Variants in XKR6 observed in about 807,000 individuals in gnomAD.
XKR6 encodes XK related 6.
XKR6 carries 22 observed loss-of-function variants against 56.7 expected under a neutral mutation model. That is an observed-to-expected ratio of 0.39 (90% CI 0.28 to 0.55). The LOEUF (loss-of-function observed/expected upper bound fraction) is 0.55. XKR6 is among the 20% of genes least tolerant of loss of function. XKR6 has a pLI of 0.66. For missense variants in XKR6, 852 were observed against 889.0 expected (o/e 0.96, Z 0.53); for synonymous variants, 524 against 387.8 (o/e 1.35, Z -4.13).
Position 11,015,598 on chromosome 8 carries a change from G to C in XKR6, c.765-90768C>G, listed in dbSNP as rs537247164. Among the ~76,000 whole-genome samples the C allele has an allele frequency of 2.6e-5, 4 of 152,306 alleles. 1 individual carries two copies. In the East Asian group the frequency reaches 5.8e-4, roughly 22 times the overall value. On this transcript the variant is annotated intron_variant, in intron 1 of 2. Transcript: ENST00000416569. ...GGGGATGAGTGTCTGAAGCCAGGGG[G>C]CTCTGGGCTTCTCCGGCCTCAGGCA...
At chr8:11,115,509 C>T (rs1586564851) in intron 1 of XKR6, among the ~76,000 whole-genome samples, 2 of 152,078 alleles carry the variant, frequency 1.3e-5, no homozygotes, top group South Asian at 2.1e-4. Flanking sequence ...TCATCTATGC[C>T]CATTAAATAT....
At chr8:10,971,151 G>T (rs930219821) in intron 1 of XKR6, among the ~76,000 whole-genome samples, 1 of 151,818 alleles carries the variant, frequency 6.6e-6, no homozygotes, top group South Asian at 2.1e-4. Flanking sequence ...GCCGGGCACG[G>T]TGGCTCACGC....
intron 1 of XKR6, among the ~76,000 whole-genome samples, chr8:11,006,448 G>C (rs955680831): frequency 6.6e-6 from 1 of 152,194 alleles, no homozygotes; most frequent in African/African-American, 2.4e-5. Flanking sequence ...AGTCATTGGA[G>C]ACATCAATGA....
chr8:11,166,535 A>T (rs977261246), intron 1 of XKR6, among the ~76,000 whole-genome samples: 1 of 152,236 alleles, frequency 6.6e-6, no homozygotes, highest in Non-Finnish European at 1.5e-5. Context: ...TCTAATATTT[A>T]GTGCATTTAA....
Position 11,036,765 on chromosome 8 carries a change from A to T in XKR6, c.765-111935T>A, listed in dbSNP as rs988982717. On this transcript the variant is annotated intron_variant, in intron 1 of 2. Coordinates refer to ENST00000416569, the MANE Select transcript of XKR6 (RefSeq NM_173683.4). ...AATTTGAAAACAGCCCTTGAACCCT[A>T]AGTTATATACCAAATTTTAACAACT... is the stretch of plus-strand genomic sequence containing the variant. 3.9e-5 allele frequency among the ~76,000 whole-genome samples: 6 copies of T among 152,364 alleles called. No homozygotes were observed. In the East Asian group the frequency reaches 1.2e-3, roughly 29 times the overall value.
At chr8:11,197,497 GC>G (rs1313753742) in intron 1 of XKR6, among the ~76,000 whole-genome samples, 1 of 152,198 alleles carries the variant, frequency 6.6e-6, no homozygotes, top group Non-Finnish European at 1.5e-5. Context: ...CAAAAGTGAA[GC>G]CCAATGTGAC....
intron 1 of XKR6, among the ~76,000 whole-genome samples, chr8:11,077,892 G>C (rs1167218765): frequency 6.6e-6 from 1 of 152,196 alleles, no homozygotes; most frequent in African/African-American, 2.4e-5. Flanking sequence ...ATCCACAGAA[G>C]AGAGGCTCAA....
intron 2 of XKR6, among the ~76,000 whole-genome samples, chr8:10,901,070 T>TTC (rs1466465182): frequency 6.7e-6 from 1 of 150,276 alleles, no homozygotes; most frequent in Non-Finnish European, 1.5e-5. Context: ...TTTTTTTTTT[T>TTC]TTTAAGATGG....
chr8:11,027,183 T>A (rs528822530), intron 1 of XKR6, among the ~76,000 whole-genome samples: 2 of 152,348 alleles, frequency 1.3e-5, no homozygotes, highest in South Asian at 2.1e-4. Context: ...CAGTGGTAAG[T>A]ATTTGTGAAT....
intron 1 of XKR6, among the ~76,000 whole-genome samples, chr8:11,077,471 T>C (rs1160679669): frequency 2.6e-5 from 4 of 152,084 alleles, no homozygotes; most frequent in Non-Finnish European, 2.9e-5. Context: ...CAGTGAACAG[T>C]TCCTCTCTAC....
intron 1 of XKR6, among the ~76,000 whole-genome samples, chr8:11,125,058 C>A (rs555996419): frequency 1.1e-3 from 151 of 138,888 alleles, no homozygotes; most frequent in African/African-American, 4.0e-3. Context: ...CACTGCACTC[C>A]AGCATGGGCA....
intron 1 of XKR6, among the ~76,000 whole-genome samples, chr8:10,968,461 C>G (rs1003119171): frequency 1.3e-5 from 2 of 152,232 alleles, no homozygotes; most frequent in Non-Finnish European, 2.9e-5. Context: ...TGGCCTATGG[C>G]CCCCTTCGGT....
At chr8:10,910,237 C>G (rs976130630) in intron 2 of XKR6, among the ~76,000 whole-genome samples, 1 of 152,042 alleles carries the variant, frequency 6.6e-6, no homozygotes, top group Non-Finnish European at 1.5e-5. Context: ...AATATAATCG[C>G]GCTGAGGTTG....
intron 1 of XKR6, among the ~76,000 whole-genome samples, chr8:11,117,312 G>A (rs760826783): frequency 6.6e-6 from 1 of 152,040 alleles, no homozygotes; most frequent in African/African-American, 2.4e-5. Context: ...TGACACATAC[G>A]CCTCTTGTCT....
chr8:11,026,260 C>A (rs112719455), intron 1 of XKR6, among the ~76,000 whole-genome samples: 176 of 149,240 alleles, frequency 1.2e-3, no homozygotes, highest in African/African-American at 4.1e-3. Context: ...TAGCCTACTA[C>A]ACTCTTAATG....
chr8:11,153,813 C>T (rs1801376020), intron 1 of XKR6, among the ~76,000 whole-genome samples: 1 of 152,180 alleles, frequency 6.6e-6, no homozygotes, highest in Non-Finnish European at 1.5e-5. Flanking sequence ...ATATTTGCAT[C>T]CAACCCATCA....
At chr8:11,025,671 C>A (rs140464307) in intron 1 of XKR6, among the ~76,000 whole-genome samples, 2 of 152,306 alleles carry the variant, frequency 1.3e-5, no homozygotes, top group South Asian at 2.1e-4. Flanking sequence ...TCATGAGTTA[C>A]GATTTGTTAA....
chr8:10,904,656 G>T (rs1800134325), intron 2 of XKR6, among the ~76,000 whole-genome samples: 1 of 152,174 alleles, frequency 6.6e-6, no homozygotes, highest in Non-Finnish European at 1.5e-5. Flanking sequence ...GATGGGCCAG[G>T]GTGGAGCTGC....
chr8:11,129,598 C>G (rs1395575590), intron 1 of XKR6, among the ~76,000 whole-genome samples: 1 of 152,164 alleles, frequency 6.6e-6, no homozygotes, highest in Admixed American at 6.5e-5. Context: ...ATACCATGCG[C>G]TGTTAAGAAG....
Sources: gnomAD v4.1 joint callset for allele counts (sites outside exome capture counted in the v4.1 genomes callset) on GRCh38, gnomAD v4.1.1 for gene constraint, MANE v1.5 for transcripts, NCBI Gene and HGNC (gene_info 2026-07-23, HGNC 2026-07-21) for gene names.